FOXN3: variants seen among roughly 807,000 people sequenced by gnomAD.
FOXN3 encodes the protein forkhead box N3.
Under a neutral mutation model 38.4 loss-of-function variants are expected in FOXN3, and 7 were observed. The ratio of observed to expected loss-of-function variants is 0.18; its 90% CI spans 0.10 to 0.34. FOXN3 has a LOEUF of 0.34. FOXN3 is among the 10% of genes least tolerant of loss of function. The probability of loss-of-function intolerance (pLI) is 1.00; values close to 1 mark genes in which losing one functional copy is unlikely to be tolerated. For missense variants in FOXN3, 456 were observed against 613.4 expected (o/e 0.74, Z 2.71); for synonymous variants, 230 against 242.2 (o/e 0.95, Z 0.47).
chr14:89,493,087 G>A lies in FOXN3; in HGVS notation c.-14-80597C>T, dbSNP rs1893614578. Among the ~76,000 whole-genome samples the A allele has an allele frequency of 3.9e-5, 6 of 152,166 alleles. No homozygotes were observed. In the South Asian group the frequency reaches 1.0e-3, roughly 26 times the overall value. ...TCTCATACAGCCCAAAGAGCTGTCT[G>A]CATCGCTTTTTCTAAAAGTCCACCT... is the stretch of plus-strand genomic sequence containing the variant. On this transcript the variant is annotated intron_variant, in intron 1 of 6. Coordinates refer to the FOXN3 transcript ENST00000345097.
intron 1 of FOXN3, among the ~76,000 whole-genome samples, chr14:89,554,922 G>A (rs1274336426): frequency 6.6e-6 from 1 of 151,598 alleles, no homozygotes; most frequent in African/African-American, 2.4e-5. Flanking sequence ...CCGAGTAGCT[G>A]TGATTACAGG....
intron 4 of FOXN3, among the ~76,000 whole-genome samples, chr14:89,259,018 G>A (rs1440864270): frequency 3.9e-5 from 6 of 152,206 alleles, no homozygotes; most frequent in African/African-American, 1.2e-4. Flanking sequence ...ACTGCCTATA[G>A]CAGACAGCAT....
chr14:89,409,296 G>A (rs1338087589), intron 2 of FOXN3: 3 of 146,774 alleles, frequency 2.0e-5, no homozygotes, highest in Non-Finnish European at 4.5e-5. Flanking sequence ...GAATGTATCC[G>A]GATTGACAAT....
intron 1 of FOXN3, among the ~76,000 whole-genome samples, chr14:89,524,764 T>C (rs1027285179): frequency 2.6e-5 from 4 of 152,164 alleles, no homozygotes; most frequent in Non-Finnish European, 4.4e-5. Flanking sequence ...TAGGCTTACA[T>C]CTATTAAAGA....
chr14:89,465,801 C>G (rs1312612979), intron 1 of FOXN3, among the ~76,000 whole-genome samples: 1 of 152,198 alleles, frequency 6.6e-6, no homozygotes, highest in Non-Finnish European at 1.5e-5. Context: ...TTGGAATTTT[C>G]CATTTAAATC....
chr14:89,369,913 T>C (rs1003380886), intron 2 of FOXN3, among the ~76,000 whole-genome samples: 1 of 152,212 alleles, frequency 6.6e-6, no homozygotes, highest in Non-Finnish European at 1.5e-5. Context: ...TAAGGTGAAA[T>C]GCAGGCAGCT....
Position 89,236,430 on chromosome 14 carries a change from G to C in FOXN3, c.745+44520C>G, listed in dbSNP as rs187330963. The stretch of plus-strand genomic sequence containing the variant: ...CTCGGGAGGCTGAGGCAGGAGAATG[G>C]GGTGAACCCGGGAGGCGGAGCTTGC... On this transcript the variant is annotated intron_variant, in intron 4 of 5. Transcript: ENST00000557258. 6.1e-3 allele frequency among the ~76,000 whole-genome samples: 931 copies of C among 152,320 alleles called. 7 individuals carry two copies. The highest frequency in any genetic ancestry group is 0.021 in the African/African-American group (879 of 41,568).
chr14:89,218,345 C>T lies in FOXN3; in HGVS notation c.746-37539G>A, dbSNP rs145107675. On this transcript the variant is annotated intron_variant, in intron 4 of 5. Transcript: ENST00000557258. The stretch of plus-strand genomic sequence containing the variant: ...CAAGATTAATACAAGACTACAACTG[C>T]TTATTTTAAAACTCAGGTCATCACA... Among the ~76,000 whole-genome samples, 41 of 152,278 alleles carry T rather than the reference C, an allele frequency of 2.7e-4. 1 individual carries two copies. The East Asian group carries it at 7.7e-3, about 29-fold the overall frequency.
chr14:89,216,239 G>C (rs1277344215), intron 4 of FOXN3, among the ~76,000 whole-genome samples: 1 of 152,076 alleles, frequency 6.6e-6, no homozygotes, highest in Non-Finnish European at 1.5e-5. Context: ...GCAATAAAAG[G>C]CTTTATGCTC....
At chr14:89,192,598 T>C (rs1430658810) in intron 4 of FOXN3, among the ~76,000 whole-genome samples, 1 of 141,784 alleles carries the variant, frequency 7.1e-6, no homozygotes, top group Non-Finnish European at 1.5e-5. Flanking sequence ...ATATAAACTA[T>C]ATAATATAAG....
intron 4 of FOXN3, among the ~76,000 whole-genome samples, chr14:89,199,183 G>A (rs1888172910): frequency 6.6e-6 from 1 of 152,190 alleles, no homozygotes. Flanking sequence ...GCCCGAGTGA[G>A]CAGGAGGGAT....
intron 4 of FOXN3, among the ~76,000 whole-genome samples, chr14:89,260,314 G>C (rs4899972): frequency 0.12 from 18,010 of 152,308 alleles, 1,477 homozygotes; most frequent in Admixed American, 0.23. Context: ...ACGGGGATCT[G>C]CTCTCCCGGG....
rs71426916 is a variant in FOXN3, at chr14:89,459,775, G to A, written c.-14-47285C>T. Among the ~76,000 whole-genome samples the A allele has an allele frequency of 4.1e-3, 631 of 152,186 alleles. 5 individuals carry two copies. Among genetic ancestry groups the A allele is most frequent in the Non-Finnish European group, 6.8e-3 (465 of 68,008 alleles). On this transcript the variant is annotated intron_variant, in intron 1 of 6. Transcript: ENST00000345097. Reference sequence around the variant, plus strand: ...GGCCCTCAGGTACATCCATAAACCCGGAACCCTTTGCTAGGAAGGTAATTG... The same window carrying A: ...GGCCCTCAGGTACATCCATAAACCCAGAACCCTTTGCTAGGAAGGTAATTG...
At chr14:89,471,580 T>A (rs1489881670) in intron 1 of FOXN3, among the ~76,000 whole-genome samples, 1 of 151,968 alleles carries the variant, frequency 6.6e-6, no homozygotes, top group Non-Finnish European at 1.5e-5. Context: ...CAGGACCTTG[T>A]CTCAAAAAAA....
At chr14:89,605,759 A>G (rs1566715892) in intron 1 of FOXN3, among the ~76,000 whole-genome samples, 1 of 152,186 alleles carries the variant, frequency 6.6e-6, no homozygotes, top group Non-Finnish European at 1.5e-5. Flanking sequence ...AAGCTGTCAG[A>G]AAAATACAAG....
intron 1 of FOXN3, among the ~76,000 whole-genome samples, chr14:89,469,318 C>T (rs1893045115): frequency 6.6e-6 from 1 of 152,170 alleles, no homozygotes; most frequent in Non-Finnish European, 1.5e-5. Context: ...CCAAGGCATA[C>T]CCAGTTGGGT....
At chr14:89,347,763 C>T (rs1172360278) in intron 3 of FOXN3, among the ~76,000 whole-genome samples, 4 of 152,122 alleles carry the variant, frequency 2.6e-5, no homozygotes, top group Non-Finnish European at 5.9e-5. Context: ...ACCAGCCTGG[C>T]CAACAAGGTA....
intron 1 of FOXN3, among the ~76,000 whole-genome samples, chr14:89,479,662 C>A (rs143642138): frequency 1.3e-5 from 2 of 152,090 alleles, no homozygotes; most frequent in African/African-American, 2.4e-5. Context: ...AGTGGGATAG[C>A]ACAAATACTT....
chr14:89,541,970 G>A (rs527832263), intron 1 of FOXN3, among the ~76,000 whole-genome samples: 20 of 152,160 alleles, frequency 1.3e-4, no homozygotes, highest in African/African-American at 4.6e-4. Flanking sequence ...AAGGGGTCCC[G>A]ATCCAGACCC....
Sources: gnomAD v4.1 joint callset for allele counts (sites outside exome capture counted in the v4.1 genomes callset) on GRCh38, gnomAD v4.1.1 for gene constraint, MANE v1.5 for transcripts, NCBI Gene and HGNC (gene_info 2026-07-23, HGNC 2026-07-21) for gene names.